Variants in CSMD1 observed in about 807,000 individuals in gnomAD.
CSMD1 encodes the protein CUB and Sushi multiple domains 1.
Under a neutral mutation model 417.5 loss-of-function variants are expected in CSMD1, and 213 were observed. The observed-to-expected ratio is 0.51, with a 90% CI of 0.46 to 0.57. The LOEUF is 0.57. Ranked by LOEUF, CSMD1 falls within the 20% of genes least tolerant of loss-of-function variation. The probability of loss-of-function intolerance (pLI) is 0.00; values close to 1 mark genes in which losing one functional copy is unlikely to be tolerated. For missense variants in CSMD1, 6,923 were observed against 4,529.7 expected (o/e 1.53, Z -15.17); for synonymous variants, 2,862 against 1,736.8 (o/e 1.65, Z -16.11).
chr8:3,676,560 C>T lies in CSMD1; in HGVS notation c.1009+31854G>A, dbSNP rs1427257628. On this transcript the variant is annotated intron_variant, in intron 7 of 69. Coordinates refer to ENST00000635120, the MANE Select transcript of CSMD1 (RefSeq NM_033225.6). ...TATCCGAATGGTACACATGTTCTCC[C>T]TTACCATTAAAATCATATACACGGA... Among the ~76,000 whole-genome samples the T allele has an allele frequency of 7.2e-5, 11 of 152,280 alleles. 1 individual carries two copies. The highest frequency in any genetic ancestry group is 2.6e-4 in the African/African-American group (11 of 41,546).
chr8:4,486,022 T>C (rs1203724665), intron 2 of CSMD1, among the ~76,000 whole-genome samples: 1 of 151,630 alleles, frequency 6.6e-6, no homozygotes, highest in Non-Finnish European at 1.5e-5. Context: ...AATTATTTTT[T>C]TCTAGCAATC....
At chr8:3,511,389 T>C (rs1375991575) in intron 10 of CSMD1, among the ~76,000 whole-genome samples, 1 of 151,398 alleles carries the variant, frequency 6.6e-6, no homozygotes, top group East Asian at 1.9e-4. Context: ...AAAAAAAAAA[T>C]TCCTTAACTG....
intron 2 of CSMD1, among the ~76,000 whole-genome samples, chr8:4,595,848 G>A (rs539830517): frequency 1.2e-4 from 18 of 152,140 alleles, no homozygotes; most frequent in East Asian, 3.9e-4. Flanking sequence ...ACACTGACAC[G>A]TCTACATGGA....
chr8:4,801,971 C>A (rs1456216691), intron 1 of CSMD1, among the ~76,000 whole-genome samples: 1 of 152,172 alleles, frequency 6.6e-6, no homozygotes, highest in Non-Finnish European at 1.5e-5. Context: ...TTCATATTTA[C>A]TGCATCCATC....
intron 10 of CSMD1, among the ~76,000 whole-genome samples, chr8:3,497,374 G>A (rs546185106): frequency 1.6e-3 from 243 of 151,986 alleles, no homozygotes; most frequent in Non-Finnish European, 2.7e-3. Flanking sequence ...TTTTGTCTTT[G>A]TCTCATTTTA....
At chr8:4,618,335 G>A (rs1462928161) in intron 2 of CSMD1, among the ~76,000 whole-genome samples, 1 of 152,040 alleles carries the variant, frequency 6.6e-6, no homozygotes, top group African/African-American at 2.4e-5. Context: ...GCCCAGCTTT[G>A]CTTGACGAAC....
chr8:4,261,311 A>C (rs141392956), intron 3 of CSMD1, among the ~76,000 whole-genome samples: 56 of 152,284 alleles, frequency 3.7e-4, no homozygotes, highest in African/African-American at 1.3e-3. Context: ...CCAGGCATAG[A>C]AAGAAAAATA....
chr8:4,302,220 A>G (rs1322876954), intron 3 of CSMD1, among the ~76,000 whole-genome samples: 2 of 152,232 alleles, frequency 1.3e-5, no homozygotes, highest in East Asian at 3.8e-4. Flanking sequence ...AATAGATGCA[A>G]TGAAGGCCCA....
intron 7 of CSMD1, among the ~76,000 whole-genome samples, chr8:3,707,934 G>A (rs1041618603): frequency 6.6e-6 from 1 of 152,146 alleles, no homozygotes; most frequent in African/African-American, 2.4e-5. Flanking sequence ...TCATCAGCCA[G>A]ACATGTCTGC....
At chr8:4,974,554 CT>C (rs1554537245) in intron 1 of CSMD1, among the ~76,000 whole-genome samples, 1 of 151,986 alleles carries the variant, frequency 6.6e-6, no homozygotes, top group Non-Finnish European at 1.5e-5. Context: ...GGCATACAAT[CT>C]TTGAAAAAAG....
At chr8:4,546,623 C>G (rs1797649465) in intron 2 of CSMD1, among the ~76,000 whole-genome samples, 2 of 152,168 alleles carry the variant, frequency 1.3e-5, no homozygotes, top group Non-Finnish European at 2.9e-5. Context: ...TCTTCTTGCT[C>G]TCAGGACTTT....
intron 3 of CSMD1, among the ~76,000 whole-genome samples, chr8:4,045,987 A>T (rs1369133510): frequency 1.3e-5 from 2 of 152,156 alleles, no homozygotes; most frequent in East Asian, 3.9e-4. Flanking sequence ...AAGTGGATAT[A>T]ATTCAAAATA....
intron 3 of CSMD1, among the ~76,000 whole-genome samples, chr8:4,196,570 A>G (rs994632570): frequency 1.3e-5 from 2 of 152,120 alleles, no homozygotes; most frequent in Non-Finnish European, 2.9e-5. Context: ...TAGCCTCAAA[A>G]GACTACCACA....
intron 3 of CSMD1, among the ~76,000 whole-genome samples, chr8:4,353,429 C>G (rs1464901870): frequency 5.9e-5 from 9 of 152,028 alleles, no homozygotes; most frequent in Admixed American, 5.9e-4. Context: ...TATAAATTAC[C>G]TATTCTCGAG....
chr8:3,330,227 T>C (rs11777148), intron 23 of CSMD1, among the ~76,000 whole-genome samples: 26,099 of 152,154 alleles, frequency 0.17, 2,886 homozygotes, highest in East Asian at 0.35. Context: ...TGAAGGAACA[T>C]ATGGTTAAAA....
At chr8:3,225,421 G>A (rs1338439225) in intron 27 of CSMD1, among the ~76,000 whole-genome samples, 1 of 149,650 alleles carries the variant, frequency 6.7e-6, no homozygotes, top group Non-Finnish European at 1.5e-5. Flanking sequence ...TTTGAATTGT[G>A]CAGAAGCAAT....
intron 22 of CSMD1, among the ~76,000 whole-genome samples, chr8:3,346,224 T>G (rs1424681555): frequency 3.9e-5 from 6 of 152,254 alleles, no homozygotes; most frequent in African/African-American, 1.2e-4. Context: ...AACAACTTTT[T>G]GTTATAATCA....
intron 2 of CSMD1, among the ~76,000 whole-genome samples, chr8:4,535,139 T>TAAC (rs1797040793): frequency 6.6e-6 from 1 of 152,176 alleles, no homozygotes; most frequent in South Asian, 2.1e-4. Flanking sequence ...CTCCCATATA[T>TAAC]AACAACTTTG....
chr8:3,772,231 A>T lies in CSMD1; in HGVS notation c.819-18189T>A, dbSNP rs866573388. Among the ~76,000 whole-genome samples the T allele has an allele frequency of 1.6e-4, 23 of 145,836 alleles. 1 individual carries two copies. The highest frequency in any genetic ancestry group is 3.4e-4 in the Non-Finnish European group (23 of 66,696). ...ACACACACACATATAATACACACAC[A>T]TATTTATATATAGATATATACATAT... On this transcript the variant is annotated intron_variant, in intron 5 of 69. Transcript: ENST00000635120.
Sources: gnomAD v4.1 joint callset for allele counts (sites outside exome capture counted in the v4.1 genomes callset) on GRCh38, gnomAD v4.1.1 for gene constraint, MANE v1.5 for transcripts, NCBI Gene and HGNC (gene_info 2026-07-23, HGNC 2026-07-21) for gene names.